Variants in NELL1 observed in about 807,000 individuals in gnomAD.
NELL1 encodes protein kinase C-binding protein NELL1.
A neutral mutation model predicts 107.4 loss-of-function variants in NELL1; 76 were observed. That is an observed-to-expected ratio of 0.71 (90% confidence interval 0.59 to 0.86). The LOEUF is 0.86. Ranked by LOEUF, NELL1 falls within the 40% of genes least tolerant of loss-of-function variation. NELL1 has a pLI of 0.00. For missense variants in NELL1, 1,024 were observed against 1,005.5 expected (o/e 1.02, Z -0.25); for synonymous variants, 353 against 341.2 (o/e 1.03, Z -0.38).
intron 15 of NELL1, among the ~76,000 whole-genome samples, chr11:21,512,483 T>G (rs1377700581): frequency 6.6e-6 from 1 of 152,134 alleles, no homozygotes; most frequent in African/African-American, 2.4e-5. Flanking sequence ...TATAGTGATA[T>G]TATAATATTT....
chr11:20,978,407 C>T (rs1851683543), intron 12 of NELL1, among the ~76,000 whole-genome samples: 1 of 151,654 alleles, frequency 6.6e-6, no homozygotes, highest in Admixed American at 6.6e-5. Flanking sequence ...GCCTTCAATC[C>T]TAATCCAATA....
chr11:21,513,483 C>T (rs141514308), intron 15 of NELL1, among the ~76,000 whole-genome samples: 16 of 151,982 alleles, frequency 1.1e-4, no homozygotes, highest in East Asian at 1.9e-4. Flanking sequence ...ATTCTATTAA[C>T]GGAAATATAT....
At chr11:20,820,238 G>A (rs541077017) in intron 3 of NELL1, among the ~76,000 whole-genome samples, 2 of 152,320 alleles carry the variant, frequency 1.3e-5, no homozygotes, top group East Asian at 3.9e-4. Context: ...TATACAGAAT[G>A]TATGAGGCTA....
chr11:20,671,778 G>C (rs1273344820), intron 1 of NELL1, among the ~76,000 whole-genome samples: 3 of 151,898 alleles, frequency 2.0e-5, no homozygotes, highest in Admixed American at 6.5e-5. Context: ...TTGATGGGGG[G>C]GGTGGTGGAG....
At chr11:21,272,972 T>C (rs953612996) in intron 14 of NELL1, among the ~76,000 whole-genome samples, 5 of 152,050 alleles carry the variant, frequency 3.3e-5, no homozygotes, top group African/African-American at 1.2e-4. Flanking sequence ...GCAGAAAAAC[T>C]GGAAACTCTA....
chr11:20,862,923 A>G (rs1849006929), intron 4 of NELL1, among the ~76,000 whole-genome samples: 1 of 152,144 alleles, frequency 6.6e-6, no homozygotes. Context: ...GGTTGGGGGT[A>G]AGGTCATAGA....
At position 20,781,965 on chromosome 11, in the gene NELL1, C is replaced by T. The variant is rs1380393022; in HGVS notation, c.185-1715C>T. The stretch of plus-strand genomic sequence containing the variant: ...GCTGAAGTGGGAGATCGCTTGAGCC[C>T]GGGAGGTGGAGGTTGCAGTGAGCCG... On this transcript the variant is annotated intron_variant, in intron 2 of 19. Coordinates refer to ENST00000357134, the MANE Select transcript of NELL1 (RefSeq NM_006157.5). Among the ~76,000 whole-genome samples the T allele has an allele frequency of 6.7e-5, 10 of 150,072 alleles. No individual in the cohort carries two copies. In the South Asian group the frequency reaches 1.1e-3, roughly 16 times the overall value.
chr11:20,687,487 T>C (rs1417103983), intron 2 of NELL1, among the ~76,000 whole-genome samples: 1 of 152,068 alleles, frequency 6.6e-6, no homozygotes, highest in African/African-American at 2.4e-5. Flanking sequence ...CATTTACAAT[T>C]TTTGGGAGAA....
At chr11:21,136,216 A>G (rs1607098) in intron 13 of NELL1, among the ~76,000 whole-genome samples, 106,809 of 151,498 alleles carry the variant, frequency 0.71, 37,970 homozygotes, top group African/African-American at 0.77. Flanking sequence ...GGAATACCAA[A>G]TGCTATGTTG....
chr11:20,915,325 G>C lies in NELL1; in HGVS notation c.604-2857G>C, dbSNP rs548848402. On this transcript the variant is annotated intron_variant, in intron 5 of 19. Coordinates refer to ENST00000357134, the MANE Select transcript of NELL1 (RefSeq NM_006157.5). ...AGTGAGGTCCTTTTACCATTCATCA[G>C]AATCATCTGGAAGAGGTTTTGTTTA... 3.9e-5 allele frequency among the ~76,000 whole-genome samples: 6 copies of C among 151,904 alleles called. No individual in the cohort carries two copies. The East Asian group carries it at 1.2e-3, about 29-fold the overall frequency.
intron 15 of NELL1, among the ~76,000 whole-genome samples, chr11:21,520,432 C>T (rs1171704384): frequency 1.3e-5 from 2 of 152,112 alleles, no homozygotes; most frequent in African/African-American, 4.8e-5. Context: ...TGATAAGAAT[C>T]TCTCCCTTTG....
At chr11:20,994,215 T>C (rs1031214397) in intron 12 of NELL1, among the ~76,000 whole-genome samples, 4 of 152,210 alleles carry the variant, frequency 2.6e-5, no homozygotes, top group African/African-American at 9.6e-5. Flanking sequence ...TTCCTCCCCA[T>C]ACAGCACACT....
chr11:21,490,602 A>G (rs932906998), intron 15 of NELL1, among the ~76,000 whole-genome samples: 3 of 152,288 alleles, frequency 2.0e-5, no homozygotes, highest in African/African-American at 7.2e-5. Flanking sequence ...AAACACAGAC[A>G]CATAGGACAA....
intron 15 of NELL1, among the ~76,000 whole-genome samples, chr11:21,447,973 G>A (rs1206149441): frequency 1.3e-5 from 2 of 152,148 alleles, no homozygotes; most frequent in Non-Finnish European, 2.9e-5. Flanking sequence ...TGCCATCTGA[G>A]TTCTGCCCAG....
intron 2 of NELL1, 156 bp from the exon 3 acceptor site, chr11:20,783,524 C>G (rs1856891693): frequency 1.8e-6 from 1 of 545,862 alleles, no homozygotes; most frequent in Admixed American, 3.4e-5. Context: ...ATGAAACTTG[C>G]AATCTGGATT....
intron 2 of NELL1, among the ~76,000 whole-genome samples, chr11:20,742,910 T>C (rs928457518): frequency 3.9e-5 from 6 of 152,178 alleles, no homozygotes; most frequent in Non-Finnish European, 8.8e-5. Context: ...GCTCTTCCTT[T>C]ATATTCTATT....
At chr11:21,137,016 A>G (rs928296272) in intron 13 of NELL1, among the ~76,000 whole-genome samples, 1 of 152,206 alleles carries the variant, frequency 6.6e-6, no homozygotes, top group Non-Finnish European at 1.5e-5. Flanking sequence ...ATCTAACTCA[A>G]TCTGATTGGT....
chr11:21,132,468 G>T (rs994198120), intron 13 of NELL1, among the ~76,000 whole-genome samples: 3 of 152,194 alleles, frequency 2.0e-5, no homozygotes, highest in Non-Finnish European at 4.4e-5. Context: ...GGTGAGGGAT[G>T]TGTGAGCAAG....
intron 2 of NELL1, among the ~76,000 whole-genome samples, chr11:20,716,519 TA>T (rs1855253664): frequency 6.6e-6 from 1 of 152,230 alleles, no homozygotes; most frequent in Non-Finnish European, 1.5e-5. Context: ...CAGATGTCAC[TA>T]TTAATGTGAT....
Sources: allele counts gnomAD v4.1 joint callset (sites outside exome capture counted in the v4.1 genomes callset), GRCh38; gene constraint gnomAD v4.1.1; transcripts MANE v1.5; gene names NCBI Gene and HGNC (gene_info 2026-07-23, HGNC 2026-07-21).